Variants in SDK2 observed in about 807,000 individuals in gnomAD.
SDK2 encodes sidekick cell adhesion molecule 2.
A neutral mutation model predicts 253.9 loss-of-function variants in SDK2; 105 were observed. That is an observed-to-expected ratio of 0.41 (90% confidence interval 0.35 to 0.49). SDK2 has a LOEUF of 0.49. SDK2 is among the 20% of genes least tolerant of loss of function. The pLI is 0.06. For missense variants in SDK2, 2,608 were observed against 3,003.0 expected (o/e 0.87, Z 3.07); for synonymous variants, 1,249 against 1,234.9 (o/e 1.01, Z -0.24).
chr17:73,451,858 C>T (rs2063492206), intron 4 of SDK2, among the ~76,000 whole-genome samples: 2 of 152,270 alleles, frequency 1.3e-5, no homozygotes, highest in South Asian at 2.1e-4. Context: ...TGCAGCACTG[C>T]ACCCCAGAGG....
chr17:73,552,960 C>T (rs2045085283), intron 1 of SDK2, among the ~76,000 whole-genome samples: 1 of 152,206 alleles, frequency 6.6e-6, no homozygotes, highest in African/African-American at 2.4e-5. Context: ...AGGCTCAGAC[C>T]CGTTTGGGTT....
Position 73,609,564 on chromosome 17 carries a change from C to T in SDK2, c.64+34461G>A, listed in dbSNP as rs182113895. Among the ~76,000 whole-genome samples the T allele has an allele frequency of 2.0e-5, 3 of 152,300 alleles. No homozygotes were observed. The highest frequency in any genetic ancestry group is 2.1e-4 in the South Asian group (1 of 4,824). Reference sequence around the variant, plus strand: ...CATTTTGCTGCAAAGGGAGCAAAGACATGCAGTGGAAGCTGACAGGGAAAA... The same window carrying T: ...CATTTTGCTGCAAAGGGAGCAAAGATATGCAGTGGAAGCTGACAGGGAAAA... On this transcript the variant is annotated intron_variant, in intron 1 of 44. Transcript: ENST00000392650. This position sits in a 1 kb window ranked among gnomAD's most constrained non-coding sequence, Gnocchi z 4.4.
Position 73,401,727 on chromosome 17 carries a change from G to C in SDK2, c.2706C>G (p.Ser902Arg), listed in dbSNP as rs747149865. The C allele has an allele frequency of 6.3e-7, 1 of 1,587,276 alleles. No individual in the cohort carries two copies. The highest frequency in any genetic ancestry group is 2.3e-5 in the East Asian group (1 of 44,120). ...EDVPGPVGHL[S>R]FSEILDTSLK... The stretch of plus-strand genomic sequence containing the variant: ...GCGATGTGTCCAGGATCTCACTGAA[G>C]CTCAGGTGTCCCACGGGCCCAGGCA... Residue 902 changes from serine (S) to arginine (R), a missense_variant, in exon 20 of 45, where the codon AGC becomes AGG. Ser to Arg is a moderately radical substitution (Grantham distance 110). This residue lies in a region of SDK2 where 1,505 missense variants were observed against 1,859.1 expected (regional missense o/e 0.81). Coordinates refer to ENST00000392650, the MANE Select transcript of SDK2 (RefSeq NM_001144952.2).
chr17:73,353,416 A>C (rs1317490184), intron 40 of SDK2, among the ~76,000 whole-genome samples: 2 of 151,870 alleles, frequency 1.3e-5, no homozygotes, highest in African/African-American at 4.8e-5. Context: ...TAAGAGCGCT[A>C]TTTTTCTTTT....
chr17:73,351,679 G>A (rs2062539747), intron 41 of SDK2, among the ~76,000 whole-genome samples: 1 of 152,146 alleles, frequency 6.6e-6, no homozygotes, highest in Admixed American at 6.5e-5. Flanking sequence ...CTTCCAGGTA[G>A]AGCTCCCTTT....
In SDK2 at chr17:73,540,955, G is replaced by A. The variant is rs552658593; in HGVS notation, c.65-33358C>T. On this transcript the variant is annotated intron_variant, in intron 1 of 44. Transcript: ENST00000392650. ...ACCTCTGCCCTAGCCAGAGATAGAG[G>A]TGCTGAGTTGTGGCTACACCGTACA... is the stretch of plus-strand genomic sequence containing the variant. Among the ~76,000 whole-genome samples the A allele has an allele frequency of 3.9e-5, 6 of 152,314 alleles. No homozygotes were observed. In the South Asian group the frequency reaches 8.3e-4, roughly 21 times the overall value.
intron 36 of SDK2, among the ~76,000 whole-genome samples, chr17:73,373,514 A>G (rs2145449066): frequency 6.6e-6 from 1 of 152,298 alleles, no homozygotes; most frequent in South Asian, 2.1e-4. Context: ...CCATACGCTT[A>G]CCACCACTTA....
At chr17:73,521,938 C>A (rs968258512) in intron 1 of SDK2, among the ~76,000 whole-genome samples, 1 of 152,190 alleles carries the variant, frequency 6.6e-6, no homozygotes, top group African/African-American at 2.4e-5. Flanking sequence ...AGGTGCCAGG[C>A]CTCGTGCTGG....
Position 73,380,959 on chromosome 17 carries a change from TGGGGGTGCCGGGGC to T in SDK2, c.4706-23_4706-10del. 6.8e-6 allele frequency: 4 copies of T among 592,070 alleles called. No individual in the cohort carries two copies. The highest frequency in any genetic ancestry group is 1.2e-5 in the Non-Finnish European group (4 of 344,338). The allele number at this position is 592,070 out of a possible 1,614,324, so 36.7% of individuals were successfully genotyped here. On this transcript the variant is annotated splice_polypyrimidine_tract_variant and intron_variant, in intron 33 of 44. Transcript: ENST00000392650. ...CCGCATGGAGTACATGGCTATGGGG[TGGGGGTGCCGGGGC>T]GGGGGCGCAGAGGGAGACAGCAGAC... is the stretch of plus-strand genomic sequence containing the variant.
chr17:73,435,373 C>G lies in SDK2; in HGVS notation c.1195+77G>C, dbSNP rs1790926970. Reference sequence around the variant, plus strand: ...ATGGAACGTGCTATGCACAAGAGGCCCCTCGGAAGACCTTGGAAGAAAGCT... The same window carrying G: ...ATGGAACGTGCTATGCACAAGAGGCGCCTCGGAAGACCTTGGAAGAAAGCT... On this transcript the variant is annotated intron_variant, in intron 9 of 44. Transcript: ENST00000392650. This position sits in a 1 kb window ranked among gnomAD's most constrained non-coding sequence, Gnocchi z 5.7. 3 of 1,391,410 alleles carry G rather than the reference C, an allele frequency of 2.2e-6. No individual in the cohort carries two copies. Among genetic ancestry groups the G allele is most frequent in the African/African-American group, 1.4e-5 (1 of 69,362 alleles). 86.2% of individuals were successfully genotyped at this position (1,391,410 alleles called of 1,614,324 possible).
chr17:73,391,816 C>T (rs930890727), intron 27 of SDK2, among the ~76,000 whole-genome samples: 27 of 152,354 alleles, frequency 1.8e-4, no homozygotes, highest in African/African-American at 6.3e-4. Context: ...GCCCCAGAAC[C>T]GGGCTGCCCT....
chr17:73,599,928 A>T (rs1045108978), intron 1 of SDK2, among the ~76,000 whole-genome samples: 13 of 152,240 alleles, frequency 8.5e-5, no homozygotes, highest in African/African-American at 2.7e-4. Context: ...TCTGTCTCAC[A>T]CACCTACGGT....
intron 1 of SDK2, among the ~76,000 whole-genome samples, chr17:73,532,941 G>T (rs992362742): frequency 1.3e-5 from 2 of 152,214 alleles, no homozygotes; most frequent in Non-Finnish European, 2.9e-5. Flanking sequence ...TACCCAGACA[G>T]GCACTTAATA....
At chr17:73,537,588 G>C (rs1197284191) in intron 1 of SDK2, among the ~76,000 whole-genome samples, 1 of 152,070 alleles carries the variant, frequency 6.6e-6, no homozygotes, top group African/African-American at 2.4e-5. Context: ...CTGGGGAGAG[G>C]GGGAGGTTTG....
Position 73,447,895 on chromosome 17 carries a change from C to A in SDK2, c.480-147G>T. 1 of 838,130 alleles carries A rather than the reference C, an allele frequency of 1.2e-6. No homozygotes were observed. The allele number at this position is 838,130 out of a possible 1,614,324, so 51.9% of individuals were successfully genotyped here. A position where few individuals can be genotyped will look rare whatever the true frequency, so the allele number is the denominator to read the frequency against. On this transcript the variant is annotated intron_variant, in intron 4 of 44. Transcript: ENST00000392650. This position sits in a 1 kb window ranked among gnomAD's most constrained non-coding sequence, Gnocchi z 4.0. ...CCCCTCCTGCCACCCCCTCCCCAAC[C>A]TCTTACTGCCTACATCCCGCCACGT...
chr17:73,483,680 TATTTATATA>T (rs2063749172), intron 2 of SDK2, among the ~76,000 whole-genome samples: 2 of 63,438 alleles, frequency 3.2e-5, no homozygotes. Context: ...TATATATATA[TATTTATATA>T]TATATATATA....
Position 73,435,684 on chromosome 17 carries a change from G to A in SDK2, c.1001-40C>T, listed in dbSNP as rs2063362783. The stretch of plus-strand genomic sequence containing the variant: ...TGGGCCCACCGTCAACCTGCCTCCT[G>A]CCTCCTCTCCGCCTAGGAGGGGTGC... On this transcript the variant is annotated intron_variant, in intron 8 of 44. Transcript: ENST00000392650. This position sits in a 1 kb window ranked among gnomAD's most constrained non-coding sequence, Gnocchi z 5.7. 2.0e-6 allele frequency: 3 copies of A among 1,503,552 alleles called. No homozygotes were observed. The South Asian group carries it at 3.8e-5, about 19-fold the overall frequency. 93.1% of individuals were successfully genotyped at this position (1,503,552 alleles called of 1,614,324 possible).
At position 73,438,102 on chromosome 17, in the gene SDK2, C is replaced by T; in HGVS notation, c.778G>A (p.Gly260Ser). The change falls in exon 7 of 45, where the codon GGC (glycine) becomes AGC (serine). Residue 260 changes from glycine to serine, a missense_variant. Gly to Ser is a moderately conservative substitution (Grantham distance 56). Transcript: ENST00000392650. ...CGGCGGTTGTGGTCACTGATGCCGCCCGACAGCAATACCCCGTCCTTCTTC... is the reference window on the plus strand; with the variant it reads ...CGGCGGTTGTGGTCACTGATGCCGCTCGACAGCAATACCCCGTCCTTCTTC... Reference protein sequence around the residue: ...IWKKDGVLLSGGISDHNRRLT... With the variant: ...IWKKDGVLLSSGISDHNRRLT... 6.4e-7 allele frequency: 1 copy of T among 1,551,688 alleles called. No homozygotes were observed. Among genetic ancestry groups the T allele is most frequent in the African/African-American group, 1.4e-5 (1 of 73,186 alleles).
At chr17:73,543,481 C>A (rs2044904005) in intron 1 of SDK2, among the ~76,000 whole-genome samples, 1 of 152,198 alleles carries the variant, frequency 6.6e-6, no homozygotes, top group Non-Finnish European at 1.5e-5. Context: ...AGCGACAGCC[C>A]AATGATTGCT....
Sources: allele counts gnomAD v4.1 joint callset (sites outside exome capture counted in the v4.1 genomes callset), GRCh38; gene constraint gnomAD v4.1.1; regional missense constraint gnomAD v4.1.1; non-coding constraint Gnocchi (gnomAD v3.1); transcripts MANE v1.5; gene names NCBI Gene and HGNC (gene_info 2026-07-23, HGNC 2026-07-21).